Variants in PPP3CB observed in about 807,000 individuals in gnomAD.
PPP3CB encodes protein phosphatase 3 catalytic subunit beta.
A neutral mutation model predicts 66.4 loss-of-function variants in PPP3CB; 8 were observed. That is an observed-to-expected ratio of 0.12 (90% CI 0.07 to 0.22). PPP3CB has a LOEUF of 0.22. Ranked by LOEUF, PPP3CB falls within the 10% of genes least tolerant of loss-of-function variation. The pLI is 1.00. For synonymous variants in PPP3CB, 208 were observed against 221.2 expected (o/e 0.94, Z 0.53); for missense variants, 319 against 642.5 (o/e 0.50, Z 5.44).
intron 12 of PPP3CB, among the ~76,000 whole-genome samples, chr10:73,442,795 C>T (rs1465731656): frequency 1.3e-5 from 2 of 151,322 alleles, no homozygotes; most frequent in Admixed American, 6.6e-5. Flanking sequence ...GTGTACTTTT[C>T]AGATATACCA....
At chr10:73,442,999 C>A (rs1172100177) in intron 12 of PPP3CB, among the ~76,000 whole-genome samples, 2 of 149,448 alleles carry the variant, frequency 1.3e-5, no homozygotes, top group Non-Finnish European at 1.5e-5. Context: ...TTGAGACCAG[C>A]CTGGGCAATA....
intron 1 of PPP3CB, among the ~76,000 whole-genome samples, chr10:73,489,477 G>C (rs958573360): frequency 6.6e-6 from 1 of 151,918 alleles, no homozygotes; most frequent in African/African-American, 2.4e-5. Context: ...TGCCAGGCCA[G>C]GAACTGTGGT....
At chr10:73,441,571 C>A (rs941464863) in intron 12 of PPP3CB, among the ~76,000 whole-genome samples, 6 of 152,162 alleles carry the variant, frequency 3.9e-5, no homozygotes, top group African/African-American at 1.4e-4. Context: ...CACTATTTCT[C>A]CTCTATTTGT....
At chr10:73,495,130 T>C (rs953291547) in intron 1 of PPP3CB, among the ~76,000 whole-genome samples, 2 of 152,234 alleles carry the variant, frequency 1.3e-5, no homozygotes, top group Non-Finnish European at 2.9e-5. Context: ...GATGGTTTTC[T>C]AAGTAAATAC....
chr10:73,471,112 T>C lies in PPP3CB; in HGVS notation c.767A>G (p.His256Arg), dbSNP rs973638905. 2 of 1,611,908 alleles carry C rather than the reference T, an allele frequency of 1.2e-6. No individual in the cohort carries two copies. Among genetic ancestry groups the C allele is most frequent in the African/African-American group, 2.7e-5 (2 of 74,898 alleles). Residue 256 changes from histidine (H) to arginine (R), a missense_variant, in exon 6 of 14, where the codon CAT becomes CGT. His to Arg is a conservative substitution (Grantham distance 29). Coordinates refer to ENST00000360663, the MANE Select transcript of PPP3CB (RefSeq NM_021132.4). ...TCCTCGAACTGTATTGTGACTAAAA[T>C]GTTCCTGTGATTTTTCATTTCCAAA... Reference protein sequence around the residue: ...EDFGNEKSQEHFSHNTVRGCS... With the variant: ...EDFGNEKSQERFSHNTVRGCS...
chr10:73,491,001 TTTTG>T lies in PPP3CB; in HGVS notation c.85+4800_85+4803del, dbSNP rs1362227443. On this transcript the variant is annotated intron_variant, in intron 1 of 13. Coordinates refer to ENST00000360663, the MANE Select transcript of PPP3CB (RefSeq NM_021132.4). ...GTGCGTGCCACCACACCCTGCTAAT[TTTTG>T]TTTGTTTGTTTTTATTGTTTTTTTT... is the stretch of plus-strand genomic sequence containing the variant. Among the ~76,000 whole-genome samples, 232 of 150,178 alleles carry T rather than the reference TTTTG, an allele frequency of 1.5e-3. 1 individual carries two copies. The highest frequency in any genetic ancestry group is 2.5e-3 in the Non-Finnish European group (167 of 67,618).
At chr10:73,475,102 T>C (rs1458594514) in intron 3 of PPP3CB, 72 bp from the exon 4 acceptor site, 2 of 1,531,284 alleles carry the variant, frequency 1.3e-6, no homozygotes, top group Non-Finnish European at 1.8e-6. Context: ...TCTTTGCTCC[T>C]TTTCCTCTAC....
intron 10 of PPP3CB, among the ~76,000 whole-genome samples, chr10:73,452,417 T>G (rs2056361472): frequency 6.6e-6 from 1 of 152,040 alleles, no homozygotes; most frequent in Admixed American, 6.6e-5. Flanking sequence ...ATTCAATGGC[T>G]GGGCATGGTG....
intron 8 of PPP3CB, among the ~76,000 whole-genome samples, chr10:73,468,765 T>A (rs190250678): frequency 6.6e-6 from 1 of 152,226 alleles, no homozygotes; most frequent in South Asian, 2.1e-4. Flanking sequence ...GTTTCCCATA[T>A]GAAATTCCCA....
At chr10:73,492,659 G>T (rs1287890826) in intron 1 of PPP3CB, among the ~76,000 whole-genome samples, 1 of 152,116 alleles carries the variant, frequency 6.6e-6, no homozygotes, top group African/African-American at 2.4e-5. Flanking sequence ...TAATCAGGTG[G>T]GTTAGATCAA....
chr10:73,470,483 A>G (rs908128209), intron 8 of PPP3CB, among the ~76,000 whole-genome samples: 4 of 152,212 alleles, frequency 2.6e-5, no homozygotes, highest in Non-Finnish European at 4.4e-5. Context: ...CTTTTCCAAG[A>G]GACAAGTTGT....
Position 73,439,914 on chromosome 10 carries a change from G to T in PPP3CB, c.1367-13C>A. On this transcript the variant is annotated splice_polypyrimidine_tract_variant and intron_variant, in intron 12 of 13. Coordinates refer to ENST00000360663, the MANE Select transcript of PPP3CB (RefSeq NM_021132.4). ...GCCTCAACTGTGGCTGTACAGAAGT[G>T]AGCAGAGGCATGCAAAATGAATGAG... 6.2e-7 allele frequency: 1 copy of T among 1,612,262 alleles called. No individual in the cohort carries two copies. The highest frequency in any genetic ancestry group is 1.1e-5 in the South Asian group (1 of 90,992).
In PPP3CB at chr10:73,439,757, G is replaced by A. The variant is rs1482145002; in HGVS notation, c.1396+115C>T. The A allele has an allele frequency of 6.3e-6, 7 of 1,105,732 alleles. No homozygotes were observed. In the African/African-American group the frequency reaches 1.1e-4, roughly 17 times the overall value. 68.5% of individuals were successfully genotyped at this position (1,105,732 alleles called of 1,614,324 possible). A position where few individuals can be genotyped will look rare whatever the true frequency, so the allele number is the denominator to read the frequency against. On this transcript the variant is annotated intron_variant, in intron 13 of 13. Coordinates refer to ENST00000360663, the MANE Select transcript of PPP3CB (RefSeq NM_021132.4). ...AGGCTTCTAAACTTGATGAATCAGT[G>A]AGTCTGATTCATCTTGGGCTGTAAA...
At chr10:73,493,707 T>C (rs764191279) in intron 1 of PPP3CB, among the ~76,000 whole-genome samples, 2 of 152,216 alleles carry the variant, frequency 1.3e-5, no homozygotes, top group Non-Finnish European at 2.9e-5. Flanking sequence ...GTTGTCTCTA[T>C]GAAGAGGGCA....
chr10:73,476,294 T>C (rs2056786859), intron 3 of PPP3CB, among the ~76,000 whole-genome samples: 1 of 152,248 alleles, frequency 6.6e-6, no homozygotes, highest in Admixed American at 6.5e-5. Flanking sequence ...CTTTGTTATT[T>C]TCCTTTTATA....
In PPP3CB at chr10:73,470,873, A is replaced by G; in HGVS notation, c.887+14T>C. Reference sequence around the variant, plus strand: ...TTTAGGTGTTAATTTGGGTCAGGGAAACAGAATTCTTACCCTGCATCTTGA... The same window carrying G: ...TTTAGGTGTTAATTTGGGTCAGGGAGACAGAATTCTTACCCTGCATCTTGA... On this transcript the variant is annotated intron_variant, in intron 7 of 13. Coordinates refer to ENST00000360663, the MANE Select transcript of PPP3CB (RefSeq NM_021132.4). 6.2e-7 allele frequency: 1 copy of G among 1,609,588 alleles called. No individual in the cohort carries two copies. The highest frequency in any genetic ancestry group is 8.5e-7 in the Non-Finnish European group (1 of 1,176,966).
intron 1 of PPP3CB, among the ~76,000 whole-genome samples, chr10:73,484,043 G>A (rs192569004): frequency 2.0e-5 from 3 of 152,044 alleles, no homozygotes; most frequent in African/African-American, 7.2e-5. Flanking sequence ...TTTGGAGGCT[G>A]AGGCACAAGA....
At chr10:73,483,601 G>A (rs535101442) in intron 1 of PPP3CB, among the ~76,000 whole-genome samples, 11 of 152,126 alleles carry the variant, frequency 7.2e-5, no homozygotes, top group African/African-American at 2.7e-4. Context: ...AGGTTGCAGT[G>A]GGCCGAGATC....
At chr10:73,438,745 T>C (rs930992878) in intron 13 of PPP3CB, among the ~76,000 whole-genome samples, 7 of 152,202 alleles carry the variant, frequency 4.6e-5, no homozygotes, top group Non-Finnish European at 1.0e-4. Context: ...TGACTTCTAC[T>C]ATACCAATTA....
Sources: allele counts gnomAD v4.1 joint callset (sites outside exome capture counted in the v4.1 genomes callset), GRCh38; gene constraint gnomAD v4.1.1; transcripts MANE v1.5; gene names NCBI Gene and HGNC (gene_info 2026-07-23, HGNC 2026-07-21).